Variants in TP53BP1 observed in about 807,000 individuals in gnomAD.
The protein encoded by TP53BP1 is TP53-binding protein 1.
Under a neutral mutation model 200.8 loss-of-function variants are expected in TP53BP1, and 61 were observed. The ratio of observed to expected loss-of-function variants is 0.30; its 90% CI spans 0.25 to 0.38. The LOEUF (loss-of-function observed/expected upper bound fraction) is 0.38. Among genes scored for constraint, TP53BP1 ranks in the 10% least tolerant of loss-of-function variants. TP53BP1 has a pLI of 1.00. For missense variants in TP53BP1, 2,144 were observed against 2,371.9 expected, an observed-to-expected ratio of 0.90 and a Z score of 2.00; for synonymous variants, 822 against 844.3, an observed-to-expected ratio of 0.97 and a Z score of 0.46.
intron 5 of TP53BP1, among the ~76,000 whole-genome samples, chr15:43,480,601 G>C (rs1422714520): frequency 6.6e-6 from 1 of 152,152 alleles, no homozygotes; most frequent in Admixed American, 6.5e-5. Flanking sequence ...CACAGTCACA[G>C]CAATTCAGAC....
chr15:43,481,087 C>A, intron 4 of TP53BP1, 65 bp from the exon 5 acceptor site: 2 of 1,597,518 alleles, frequency 1.3e-6, no homozygotes, highest in African/African-American at 1.3e-5. Flanking sequence ...TCAGAGCACT[C>A]TGACCCCCAA....
At chr15:43,443,533 A>C (rs923860924) in intron 14 of TP53BP1, among the ~76,000 whole-genome samples, 1 of 151,964 alleles carries the variant, frequency 6.6e-6, no homozygotes, top group African/African-American at 2.4e-5. Flanking sequence ...CTCTATAATA[A>C]ATACAAAAAT....
chr15:43,426,075 A>AT (rs1237051261), intron 18 of TP53BP1, among the ~76,000 whole-genome samples: 1 of 151,918 alleles, frequency 6.6e-6, no homozygotes, highest in African/African-American at 2.4e-5. Flanking sequence ...AAAAAAAAAA[A>AT]AACAAAAAAT....
rs964365499 is a variant in TP53BP1, at chr15:43,492,931, A to G, written c.7+106T>C. On this transcript the variant is annotated intron_variant, in intron 1 of 27. Transcript: ENST00000382044. The stretch of plus-strand genomic sequence containing the variant: ...AGGGCCCTCCAACCCCTTCCCCGTC[A>G]CCGCCGCCATGCTTGCCACCCCGCC... 5 of 1,133,712 alleles carry G rather than the reference A, an allele frequency of 4.4e-6. No individual in the cohort carries two copies. The Admixed American group carries it at 1.4e-4, about 31-fold the overall frequency. The allele number at this position is 1,133,712 out of a possible 1,614,324, so 70.2% of individuals were successfully genotyped here.
intron 1 of TP53BP1, among the ~76,000 whole-genome samples, chr15:43,503,983 C>T (rs1235626092): frequency 6.6e-6 from 1 of 152,022 alleles, no homozygotes; most frequent in Non-Finnish European, 1.5e-5. Flanking sequence ...AATCAAGAGA[C>T]AATTTAATGC....
In TP53BP1 at chr15:43,413,439, C is replaced by A. The variant is rs45537336; in HGVS notation, c.5090-105G>T. On this transcript the variant is annotated intron_variant, in intron 23 of 27. Coordinates refer to ENST00000382044, the MANE Select transcript of TP53BP1 (RefSeq NM_001141980.3). ...CACCAAGCATGACCTGATGGGCAGG[C>A]ACTGTCCTGATGAACTTATCTGAGC... 6.4e-3 allele frequency: 5,712 copies of A among 887,312 alleles called. 238 individuals carry two copies. The African/African-American group carries it at 0.087, about 14-fold the overall frequency. 55.0% of individuals were successfully genotyped at this position (887,312 alleles called of 1,614,324 possible).
At chr15:43,467,112 G>T (rs1275477870) in intron 11 of TP53BP1, among the ~76,000 whole-genome samples, 1 of 151,028 alleles carries the variant, frequency 6.6e-6, no homozygotes, top group African/African-American at 2.4e-5. Context: ...TGAGTGCTGT[G>T]GCATGATCAT....
At chr15:43,446,341 A>C in intron 14 of TP53BP1, 46 bp downstream of exon 14, 1 of 1,404,430 alleles carries the variant, frequency 7.1e-7, no homozygotes, top group Non-Finnish European at 1.0e-6. Flanking sequence ...AATACTCCCC[A>C]GATAATCTGC....
At chr15:43,487,941 T>C (rs1480318474) in intron 4 of TP53BP1, among the ~76,000 whole-genome samples, 1 of 151,896 alleles carries the variant, frequency 6.6e-6, no homozygotes, top group Non-Finnish European at 1.5e-5. Flanking sequence ...TACTCAGCAA[T>C]AAAAATGAAC....
chr15:43,468,078 C>A (rs1379310353), intron 11 of TP53BP1, among the ~76,000 whole-genome samples: 1 of 152,050 alleles, frequency 6.6e-6, no homozygotes, highest in East Asian at 1.9e-4. Context: ...AGCCACCACA[C>A]CTGGTCAGAT....
At chr15:43,419,095 C>G (rs2045332461) in intron 21 of TP53BP1, among the ~76,000 whole-genome samples, 2 of 152,174 alleles carry the variant, frequency 1.3e-5, no homozygotes, top group African/African-American at 4.8e-5. Flanking sequence ...TGGGGCACAC[C>G]TGTAATCCTA....
intron 16 of TP53BP1, among the ~76,000 whole-genome samples, chr15:43,433,188 A>G (rs1015269695): frequency 6.6e-6 from 1 of 152,106 alleles, no homozygotes; most frequent in Non-Finnish European, 1.5e-5. Flanking sequence ...TGACTTACAA[A>G]GGATAAAGCT....
In TP53BP1 at chr15:43,456,907, A is replaced by G. The variant is rs760171059; in HGVS notation, c.1701T>C (p.Ala567=). ...GATTCATCAGGATACTATCATTTTCAGCAGGAACAAATTTAGAATTGAGAA... is the reference window on the plus strand; with the variant it reads ...GATTCATCAGGATACTATCATTTTCGGCAGGAACAAATTTAGAATTGAGAA... ...SPVLNSKFVP[A]ENDSILMNPA... Residue 567 remains alanine, a synonymous_variant, in exon 12 of 28, where the codon GCT becomes GCC. Transcript: ENST00000382044. 6 of 1,614,130 alleles carry G rather than the reference A, an allele frequency of 3.7e-6. No individual in the cohort carries two copies. The highest frequency in any genetic ancestry group is 5.1e-6 in the Non-Finnish European group (6 of 1,180,040).
upstream of TP53BP1, among the ~76,000 whole-genome samples, chr15:43,494,428 G>T (rs2140164404): frequency 6.6e-6 from 1 of 152,184 alleles, no homozygotes; most frequent in African/African-American, 2.4e-5. Flanking sequence ...GTTACTTATG[G>T]GAACAAAAGG....
In TP53BP1 at chr15:43,504,833, A is replaced by C. The variant is rs1271376368; in HGVS notation, c.-9+5537T>G. Among the ~76,000 whole-genome samples, 7 of 152,114 alleles carry C rather than the reference A, an allele frequency of 4.6e-5. 1 individual carries two copies. The highest frequency in any genetic ancestry group is 1.0e-4 in the Non-Finnish European group (7 of 68,018). ...TCAGGAGTTCAAGACCAGCCTGGCCAAATGGTGAAACCCTGTCTCTACCAA... is the reference window on the plus strand; with the variant it reads ...TCAGGAGTTCAAGACCAGCCTGGCCCAATGGTGAAACCCTGTCTCTACCAA... On this transcript the variant is annotated intron_variant, in intron 1 of 27. Transcript: ENST00000263801.
chr15:43,443,710 A>G (rs2045980532), intron 14 of TP53BP1, among the ~76,000 whole-genome samples: 1 of 152,154 alleles, frequency 6.6e-6, no homozygotes, highest in Non-Finnish European at 1.5e-5. Flanking sequence ...CAATAACAAC[A>G]AAAAGAAACA....
At chr15:43,411,001 ATC>A (rs2045101357) in intron 24 of TP53BP1, among the ~76,000 whole-genome samples, 1 of 152,202 alleles carries the variant, frequency 6.6e-6, no homozygotes, top group Non-Finnish European at 1.5e-5. Context: ...CCCTTTTGCT[ATC>A]TCAATATAGC....
intron 7 of TP53BP1, among the ~76,000 whole-genome samples, chr15:43,479,180 A>G (rs1434662615): frequency 6.6e-6 from 1 of 152,210 alleles, no homozygotes; most frequent in Non-Finnish European, 1.5e-5. Context: ...CAACATAGTG[A>G]GACTTTGTTT....
intron 1 of TP53BP1, among the ~76,000 whole-genome samples, chr15:43,504,260 G>T (rs1005291024): frequency 2.0e-5 from 3 of 152,180 alleles, no homozygotes; most frequent in African/African-American, 7.2e-5. Flanking sequence ...TGATCCTCCT[G>T]CTTTAGCCTC....
Sources: allele counts gnomAD v4.1 joint callset (sites outside exome capture counted in the v4.1 genomes callset), GRCh38; gene constraint gnomAD v4.1.1; transcripts MANE v1.5; gene names NCBI Gene and HGNC (gene_info 2026-07-23, HGNC 2026-07-21).